Variants in ALK observed in about 807,000 individuals in gnomAD.
The protein encoded by ALK is ALK receptor tyrosine kinase.
A neutral mutation model predicts 163.1 loss-of-function variants in ALK; 74 were observed. The observed-to-expected ratio is 0.45, with a 90% CI of 0.38 to 0.55. The LOEUF (loss-of-function observed/expected upper bound fraction) is 0.55. ALK is among the 20% of genes least tolerant of loss of function. The pLI is 0.00. For synonymous variants in ALK, 960 were observed against 843.2 expected (o/e 1.14, Z -2.40); for missense variants, 2,063 against 2,105.3 (o/e 0.98, Z 0.39).
At chr2:29,739,435 G>A (rs1679989002) in intron 1 of ALK, among the ~76,000 whole-genome samples, 1 of 151,498 alleles carries the variant, frequency 6.6e-6, no homozygotes, top group Non-Finnish European at 1.5e-5. Flanking sequence ...GTATGTGCCT[G>A]TAGTCTCAGC....
At chr2:29,219,493 G>A (rs1669726552) in intron 23 of ALK, among the ~76,000 whole-genome samples, 3 of 152,126 alleles carry the variant, frequency 2.0e-5, no homozygotes, top group Admixed American at 2.0e-4. Context: ...TCCTTTCCTG[G>A]GAGCGGGAGG....
At chr2:29,217,129 GGTGTGTGTGT>G (rs146323322) in intron 23 of ALK, among the ~76,000 whole-genome samples, 25 of 138,464 alleles carry the variant, frequency 1.8e-4, no homozygotes, top group South Asian at 2.2e-4. Flanking sequence ...GGGCGTGTGT[GGTGTGTGTGT>G]GTGTGTGTGT....
intron 23 of ALK, among the ~76,000 whole-genome samples, chr2:29,216,519 T>C (rs1234039147): frequency 6.6e-6 from 1 of 152,162 alleles, no homozygotes; most frequent in Admixed American, 6.5e-5. Context: ...CCCCCTGTCC[T>C]TGGCTGCTCA....
intron 1 of ALK, among the ~76,000 whole-genome samples, chr2:29,835,704 T>C (rs1467679089): frequency 6.6e-6 from 1 of 152,202 alleles, no homozygotes; most frequent in Non-Finnish European, 1.5e-5. Context: ...AATTGAATCA[T>C]GTGGGTGGTA....
chr2:29,259,749 G>T (rs998867961), intron 11 of ALK, among the ~76,000 whole-genome samples: 14 of 151,932 alleles, frequency 9.2e-5, no homozygotes, highest in African/African-American at 3.1e-4. Context: ...ATATTCTTAG[G>T]TATACAGTGT....
In ALK at chr2:29,232,453, C is replaced by T. The variant is rs2148183488; in HGVS notation, c.2488-5G>A. ...CACCGGCACTCCATCCTTCATCTGACCAGGGGAGACATTCAGACATTGAGA... is the reference window on the plus strand; with the variant it reads ...CACCGGCACTCCATCCTTCATCTGATCAGGGGAGACATTCAGACATTGAGA... On this transcript the variant is annotated splice_region_variant and splice_polypyrimidine_tract_variant and intron_variant, in intron 14 of 28. Transcript: ENST00000389048. The T allele has an allele frequency of 1.9e-6, 3 of 1,614,234 alleles. No homozygotes were observed. Among genetic ancestry groups the T allele is most frequent in the Non-Finnish European group, 2.5e-6 (3 of 1,180,036 alleles).
intron 5 of ALK, among the ~76,000 whole-genome samples, chr2:29,367,974 G>T (rs148852217): frequency 6.6e-6 from 1 of 152,066 alleles, no homozygotes; most frequent in African/African-American, 2.4e-5. Context: ...TTCCCGTGCC[G>T]CACCATTTTG....
At chr2:29,667,045 ATTCCATTGTGT>A (rs1677534529) in intron 3 of ALK, among the ~76,000 whole-genome samples, 2 of 152,256 alleles carry the variant, frequency 1.3e-5, no homozygotes, top group East Asian at 3.9e-4. Flanking sequence ...GCTAAATAGT[ATTCCATTGTGT>A]ATAAGTAACA....
chr2:29,853,000 T>C (rs554343402), intron 1 of ALK, among the ~76,000 whole-genome samples: 1 of 152,236 alleles, frequency 6.6e-6, no homozygotes, highest in East Asian at 1.9e-4. Flanking sequence ...CTGTGAGAAA[T>C]AGATGTGGTT....
At chr2:29,666,130 C>G (rs1289979866) in intron 3 of ALK, among the ~76,000 whole-genome samples, 1 of 152,114 alleles carries the variant, frequency 6.6e-6, no homozygotes, top group African/African-American at 2.4e-5. Flanking sequence ...TGTATTACAT[C>G]TACTCTATTC....
chr2:29,481,557 T>C (rs1439548925), intron 4 of ALK, among the ~76,000 whole-genome samples: 1 of 152,230 alleles, frequency 6.6e-6, no homozygotes, highest in Non-Finnish European at 1.5e-5. Context: ...TCTGTCTTCA[T>C]TGAGGTTTCT....
intron 8 of ALK, among the ~76,000 whole-genome samples, chr2:29,299,774 T>C (rs2148233483): frequency 6.6e-6 from 1 of 152,136 alleles, no homozygotes; most frequent in Non-Finnish European, 1.5e-5. Flanking sequence ...ATGCTGGAGG[T>C]TGACTATTAG....
At chr2:29,704,026 C>T (rs1469988094) in intron 2 of ALK, among the ~76,000 whole-genome samples, 1 of 152,312 alleles carries the variant, frequency 6.6e-6, no homozygotes, top group African/African-American at 2.4e-5. Context: ...CTTACTGGCC[C>T]CTCCAGCTGA....
chr2:29,414,612 T>C (rs1241271910), intron 4 of ALK, among the ~76,000 whole-genome samples: 1 of 152,186 alleles, frequency 6.6e-6, no homozygotes, highest in African/African-American at 2.4e-5. Context: ...CAAGATGACA[T>C]TGGGAATGTG....
rs10654058 is a variant in ALK at position 29,396,836 on chromosome 2, G to GTTTTTTTTTTTT, written c.1155-12989_1155-12978dup. ...TACCCAGAGGCCCTTTGTTACTATG[G>GTTTTTTTTTTTT]TTTTTTTTTTTTTTTTTTTTTTTTG... On this transcript the variant is annotated intron_variant, in intron 4 of 28. Transcript: ENST00000389048. Among the ~76,000 whole-genome samples, 180 of 46,612 alleles carry GTTTTTTTTTTTT rather than the reference G, an allele frequency of 3.9e-3. 39 individuals are homozygous for GTTTTTTTTTTTT. Among genetic ancestry groups the GTTTTTTTTTTTT allele is most frequent in the Admixed American group, 4.3e-3 (10 of 2,334 alleles). The allele number at this position is 46,612 out of a possible 152,430, so 30.6% of individuals were successfully genotyped here. A position where few individuals can be genotyped will look rare whatever the true frequency, so the allele number is the denominator to read the frequency against.
intron 15 of ALK, among the ~76,000 whole-genome samples, chr2:29,232,091 C>T (rs1558629505): frequency 6.6e-6 from 1 of 152,150 alleles, no homozygotes; most frequent in Non-Finnish European, 1.5e-5. Context: ...TTCTCAGTGA[C>T]CTTCTACAAG....
At chr2:29,426,792 C>T (rs1291885974) in intron 4 of ALK, among the ~76,000 whole-genome samples, 8 of 152,030 alleles carry the variant, frequency 5.3e-5, no homozygotes, top group Admixed American at 5.2e-4. Context: ...GTAATCCCAG[C>T]ACTTTGGGAG....
intron 1 of ALK, among the ~76,000 whole-genome samples, chr2:29,788,851 T>G (rs772745275): frequency 6.6e-6 from 1 of 152,206 alleles, no homozygotes; most frequent in Non-Finnish European, 1.5e-5. Flanking sequence ...CAGACAGAGC[T>G]TTATGGTTTT....
chr2:29,775,220 G>T (rs1215347685), intron 1 of ALK, among the ~76,000 whole-genome samples: 11 of 152,138 alleles, frequency 7.2e-5, no homozygotes, highest in Non-Finnish European at 1.5e-4. Flanking sequence ...AATTAGATGG[G>T]GATTTGAACA....
Sources: allele counts gnomAD v4.1 joint callset (sites outside exome capture counted in the v4.1 genomes callset), GRCh38; gene constraint gnomAD v4.1.1; transcripts MANE v1.5; gene names NCBI Gene and HGNC (gene_info 2026-07-23, HGNC 2026-07-21).